The following NT5M variants were observed in gnomAD, a reference collection of about 807,000 sequenced individuals.
NT5M encodes 5'(3')-deoxyribonucleotidase, mitochondrial.
A neutral mutation model predicts 22.2 loss-of-function variants in NT5M; 22 were observed. That is an observed-to-expected ratio of 0.99 (90% CI 0.71 to 1.41). The LOEUF (loss-of-function observed/expected upper bound fraction) is 1.41. Ranked by LOEUF, NT5M falls within the 40% of genes most tolerant of loss-of-function variation. NT5M has a pLI of 0.00. For missense variants in NT5M, 322 were observed against 314.8 expected, an observed-to-expected ratio of 1.02 and a Z score of -0.17; for synonymous variants, 167 against 133.0, an observed-to-expected ratio of 1.26 and a Z score of -1.76.
intron 2 of NT5M, among the ~76,000 whole-genome samples, chr17:17,315,593 G>A (rs1157002139): frequency 6.6e-6 from 1 of 152,076 alleles, no homozygotes; most frequent in Non-Finnish European, 1.5e-5. Flanking sequence ...GAGAGGAGCA[G>A]GTGCCAATGC....
Position 17,303,452 on chromosome 17 carries a change from C to G in NT5M, c.-99C>G, listed in dbSNP as rs1210500879. 1.0e-6 allele frequency: 1 copy of G among 1,000,894 alleles called. No homozygotes were observed. Among genetic ancestry groups the G allele is most frequent in the East Asian group, 1.1e-4 (1 of 9,302 alleles). 62.0% of individuals were successfully genotyped at this position (1,000,894 alleles called of 1,614,324 possible). On this transcript the variant is annotated 5_prime_UTR_variant, in exon 1 of 5. Transcript: ENST00000389022. ...GTCCCGCGCTCCACGCGCGCCCCAG[C>G]GTTGGGGGCTTCTCCTCCGCGGCGG...
At chr17:17,330,411 T>C (rs2049354172) in intron 3 of NT5M, among the ~76,000 whole-genome samples, 2 of 151,748 alleles carry the variant, frequency 1.3e-5, no homozygotes, top group South Asian at 2.1e-4. Context: ...GTTTTGCTGT[T>C]GTTGCCCAGG....
chr17:17,308,006 C>G (rs2048844368), intron 2 of NT5M, among the ~76,000 whole-genome samples: 1 of 152,096 alleles, frequency 6.6e-6, no homozygotes, highest in South Asian at 2.1e-4. Flanking sequence ...GCTGAGATTG[C>G]TCCATTGCAC....
chr17:17,344,656 T>C (rs1192216770), intron 3 of NT5M, 138 bp from the exon 4 acceptor site: 2 of 1,019,746 alleles, frequency 2.0e-6, no homozygotes, highest in African/African-American at 1.6e-5. Context: ...TGCCTGGCGC[T>C]GGGCCTTGGT....
Position 17,306,623 on chromosome 17 carries a change from G to A in NT5M, c.348G>A (p.Lys116=), listed in dbSNP as rs1365983399. 3.1e-6 allele frequency: 5 copies of A among 1,613,768 alleles called. No individual in the cohort carries two copies. The highest frequency in any genetic ancestry group is 3.4e-6 in the Non-Finnish European group (4 of 1,179,742). ...TGCCAGGGGCCGTGGAAGCTGTCAA[G>A]GAGATGGCCAGCCTACAAAAGTAAG... ...EPLPGAVEAV[K]EMASLQNTDV... Residue 116 remains lysine (K), a synonymous_variant, in exon 2 of 5, where the codon AAG becomes AAA. Transcript: ENST00000389022.
chr17:17,340,814 G>T (rs556985997), intron 3 of NT5M, among the ~76,000 whole-genome samples: 94 of 152,230 alleles, frequency 6.2e-4, no homozygotes, highest in African/African-American at 9.9e-4. Flanking sequence ...GTGAGCCACC[G>T]CGCCCGGCCT....
intron 3 of NT5M, among the ~76,000 whole-genome samples, chr17:17,326,322 C>T (rs1399247060): frequency 6.6e-6 from 1 of 152,168 alleles, no homozygotes; most frequent in African/African-American, 2.4e-5. Context: ...CCGGGTCTGC[C>T]TGTCAAGAGC....
At chr17:17,330,689 T>C (rs2049360881) in intron 3 of NT5M, among the ~76,000 whole-genome samples, 1 of 151,894 alleles carries the variant, frequency 6.6e-6, no homozygotes, top group African/African-American at 2.4e-5. Flanking sequence ...ATAGACCATT[T>C]TTTTTTTAAC....
chr17:17,310,594 G>T (rs1447636677), intron 2 of NT5M, among the ~76,000 whole-genome samples: 1 of 152,110 alleles, frequency 6.6e-6, no homozygotes, highest in African/African-American at 2.4e-5. Context: ...CTCAGCACTT[G>T]GCAGGCCGAG....
At chr17:17,338,723 G>T (rs1597797937) in intron 3 of NT5M, among the ~76,000 whole-genome samples, 3 of 73,502 alleles carry the variant, frequency 4.1e-5, no homozygotes, top group African/African-American at 4.8e-5. Flanking sequence ...GAATGTCATT[G>T]GTATTTTTTT....
intron 2 of NT5M, among the ~76,000 whole-genome samples, chr17:17,318,952 T>A (rs1485380850): frequency 7.9e-5 from 12 of 151,940 alleles, no homozygotes; most frequent in Admixed American, 7.9e-4. Context: ...GGCTCACCCC[T>A]GTAATCCCAG....
intron 2 of NT5M, among the ~76,000 whole-genome samples, chr17:17,318,073 T>C (rs959668242): frequency 1.3e-5 from 2 of 151,656 alleles, no homozygotes; most frequent in African/African-American, 2.4e-5. Flanking sequence ...CAAATACTAG[T>C]ACCCGAATGT....
intron 3 of NT5M, among the ~76,000 whole-genome samples, chr17:17,330,026 C>T (rs567885133): frequency 1.1e-4 from 16 of 151,912 alleles, no homozygotes; most frequent in Non-Finnish European, 2.1e-4. Flanking sequence ...CCTGGCTGGG[C>T]GTGGTGGCTC....
intron 3 of NT5M, among the ~76,000 whole-genome samples, chr17:17,337,059 T>C (rs980711785): frequency 6.6e-6 from 1 of 152,188 alleles, no homozygotes; most frequent in African/African-American, 2.4e-5. Context: ...ATTATATTCC[T>C]ACCAATAGTG....
rs28825184 is a variant in NT5M, at chr17:17,338,677, G to T, written c.430-6117G>T. Among the ~76,000 whole-genome samples, 20 of 73,212 alleles carry T rather than the reference G, an allele frequency of 2.7e-4. 1 individual carries two copies. Among genetic ancestry groups the T allele is most frequent in the East Asian group, 6.8e-4 (2 of 2,928 alleles). The allele number at this position is 73,212 out of a possible 152,430, so 48.0% of individuals were successfully genotyped here. The stretch of plus-strand genomic sequence containing the variant: ...TTGTGGTTCTATGTAAATGTTAAGG[G>T]TTTTTTTTTTTTTTTTTTTTTTGTA... On this transcript the variant is annotated intron_variant, in intron 3 of 4. Transcript: ENST00000389022.
chr17:17,325,454 G>A (rs1471609833), intron 3 of NT5M, among the ~76,000 whole-genome samples: 1 of 152,126 alleles, frequency 6.6e-6, no homozygotes, highest in African/African-American at 2.4e-5. Flanking sequence ...CTTCCAGCCT[G>A]TTGGTGAGTC....
At position 17,303,669 on chromosome 17, in the gene NT5M, T is replaced by C; in HGVS notation, c.119T>C (p.Val40Ala). 6.4e-7 allele frequency: 1 copy of C among 1,567,774 alleles called. No homozygotes were observed. The highest frequency in any genetic ancestry group is 8.6e-7 in the Non-Finnish European group (1 of 1,159,158). ...GGAGGCCGCGCCCTACGGGTGCTGG[T>C]GGACATGGACGGCGTGCTGGCTGAC... ...LAGGRALRVL[V>A]DMDGVLADFE... The change falls in exon 1 of 5, where the codon GTG becomes GCG. Residue 40 changes from valine (V) to alanine (A), a missense_variant. Coordinates refer to ENST00000389022, the MANE Select transcript of NT5M (RefSeq NM_020201.4).
intron 3 of NT5M, among the ~76,000 whole-genome samples, chr17:17,324,195 A>T (rs2053135976): frequency 6.7e-6 from 1 of 149,352 alleles, no homozygotes; most frequent in Non-Finnish European, 1.5e-5. Context: ...ATTTAAATGA[A>T]ATTCATGGTC....
intron 3 of NT5M, among the ~76,000 whole-genome samples, chr17:17,331,869 C>T (rs1224991736): frequency 6.6e-6 from 1 of 151,320 alleles, no homozygotes; most frequent in African/African-American, 2.5e-5. Context: ...CAAGCTCCGC[C>T]TCCTGGGTTC....
Sources: gnomAD v4.1 joint callset for allele counts (sites outside exome capture counted in the v4.1 genomes callset) on GRCh38, gnomAD v4.1.1 for gene constraint, MANE v1.5 for transcripts, NCBI Gene and HGNC (gene_info 2026-07-23, HGNC 2026-07-21) for gene names.